Variants in ARHGAP26 observed in about 807,000 individuals in gnomAD.
ARHGAP26 encodes the protein Rho GTPase activating protein 26.
Under a neutral mutation model 104.8 loss-of-function variants are expected in ARHGAP26, and 38 were observed. That is an observed-to-expected ratio of 0.36 (90% CI 0.28 to 0.48). ARHGAP26 has a LOEUF of 0.48. ARHGAP26 is among the 20% of genes least tolerant of loss of function. ARHGAP26 has a pLI of 0.99. For missense variants in ARHGAP26, 704 were observed against 947.9 expected, an observed-to-expected ratio of 0.74 and a Z score of 3.38; for synonymous variants, 341 against 340.0, an observed-to-expected ratio of 1.00 and a Z score of -0.03.
intron 1 of ARHGAP26, among the ~76,000 whole-genome samples, chr5:142,858,665 A>G (rs554829899): frequency 6.6e-6 from 1 of 152,310 alleles, no homozygotes; most frequent in African/African-American, 2.4e-5. Flanking sequence ...TTTATGAACA[A>G]AACAGTCACG....
chr5:143,148,537 C>T (rs1489718458), intron 20 of ARHGAP26, among the ~76,000 whole-genome samples: 1 of 152,182 alleles, frequency 6.6e-6, no homozygotes, highest in Non-Finnish European at 1.5e-5. Flanking sequence ...TTGTTGGCAG[C>T]TTTAAATCAT....
At chr5:142,780,722 C>T (rs11746282) in intron 1 of ARHGAP26, among the ~76,000 whole-genome samples, 6,260 of 152,194 alleles carry the variant, frequency 0.041, 254 homozygotes, top group African/African-American at 0.1. Flanking sequence ...TTGTGCGGTG[C>T]GTGTAACATT....
intron 20 of ARHGAP26, chr5:143,170,580 G>A (rs970985007): frequency 6.6e-6 from 1 of 152,246 alleles, no homozygotes; most frequent in Non-Finnish European, 1.5e-5. Context: ...TGGTGGTAAT[G>A]ACAATGATAA....
intron 17 of ARHGAP26, among the ~76,000 whole-genome samples, chr5:143,112,818 A>G (rs1337198283): frequency 6.6e-6 from 1 of 152,236 alleles, no homozygotes; most frequent in Admixed American, 6.5e-5. Flanking sequence ...GAATAATACT[A>G]TATTGTTTGT....
chr5:142,902,838 C>A (rs971306652), intron 7 of ARHGAP26, among the ~76,000 whole-genome samples: 38 of 152,154 alleles, frequency 2.5e-4, no homozygotes, highest in Non-Finnish European at 2.9e-5. Flanking sequence ...GCTCTGAAAT[C>A]GAGATTGACA....
chr5:143,131,617 A>C (rs1797362464), intron 18 of ARHGAP26, among the ~76,000 whole-genome samples: 1 of 152,186 alleles, frequency 6.6e-6, no homozygotes, highest in South Asian at 2.1e-4. Context: ...TTTGTAGTGA[A>C]GATTGCCTGG....
At chr5:143,053,149 CA>C (rs1785278883) in intron 14 of ARHGAP26, among the ~76,000 whole-genome samples, 1 of 152,152 alleles carries the variant, frequency 6.6e-6, no homozygotes, top group Non-Finnish European at 1.5e-5. Context: ...CCTCCTAGTG[CA>C]AGCCCAGCAA....
chr5:142,857,581 T>A (rs567261460), intron 1 of ARHGAP26, among the ~76,000 whole-genome samples: 18 of 152,266 alleles, frequency 1.2e-4, no homozygotes, highest in African/African-American at 4.3e-4. Flanking sequence ...CTCACTGTCC[T>A]AGGAGCACCT....
At position 143,131,375 on chromosome 5, in the gene ARHGAP26, G is replaced by A. The variant is rs79894856; in HGVS notation, c.1699-2592G>A. 3.8e-3 allele frequency among the ~76,000 whole-genome samples: 582 copies of A among 152,186 alleles called. 23 individuals are homozygous for A. In the East Asian group the frequency reaches 0.082, roughly 21 times the overall value. ...TTGCTCCCATTGTAATTGGGTAAGG[G>A]TCTCATTTTCAGTAACTCATTAGAA... On this transcript the variant is annotated intron_variant, in intron 18 of 22. Coordinates refer to ENST00000645722, the MANE Select transcript of ARHGAP26 (RefSeq NM_001135608.3).
At chr5:142,782,300 T>C (rs1467665504) in intron 1 of ARHGAP26, among the ~76,000 whole-genome samples, 1 of 152,144 alleles carries the variant, frequency 6.6e-6, no homozygotes, top group Non-Finnish European at 1.5e-5. Context: ...TGGAGGAAGA[T>C]GAGGGCTACA....
chr5:143,136,393 A>G (rs1039497878), intron 19 of ARHGAP26, among the ~76,000 whole-genome samples: 2 of 152,214 alleles, frequency 1.3e-5, no homozygotes, highest in Admixed American at 6.5e-5. Context: ...TCTAAATGTT[A>G]GGAAATGCTC....
intron 11 of ARHGAP26, among the ~76,000 whole-genome samples, chr5:142,957,789 A>G (rs1236999444): frequency 6.6e-6 from 1 of 152,260 alleles, no homozygotes; most frequent in Non-Finnish European, 1.5e-5. Flanking sequence ...ATGGCAAGGA[A>G]AACTTCTGCC....
intron 12 of ARHGAP26, among the ~76,000 whole-genome samples, chr5:143,022,374 A>G (rs757635417): frequency 6.6e-6 from 1 of 152,188 alleles, no homozygotes; most frequent in Admixed American, 6.5e-5. Flanking sequence ...CGCCTGGCCA[A>G]TCCCCTGATT....
intron 1 of ARHGAP26, among the ~76,000 whole-genome samples, chr5:142,827,812 C>T (rs1183228300): frequency 2.6e-5 from 4 of 152,184 alleles, no homozygotes; most frequent in African/African-American, 9.7e-5. Context: ...TGCACATACC[C>T]TTAGTGTTTC....
intron 1 of ARHGAP26, among the ~76,000 whole-genome samples, chr5:142,796,054 C>CTGTGTGTGTGTGTGTGTG (rs71890315): frequency 6.9e-6 from 1 of 144,048 alleles, no homozygotes; most frequent in Non-Finnish European, 1.5e-5. Context: ...AGGTGTTTTT[C>CTGTGTGTGTGTGTGTGTG]TGTGTGTGTG....
At chr5:142,896,860 T>A (rs1054622099) in intron 6 of ARHGAP26, among the ~76,000 whole-genome samples, 1 of 152,174 alleles carries the variant, frequency 6.6e-6, no homozygotes, top group Admixed American at 6.5e-5. Context: ...TTTATAAAGT[T>A]GTATGAGGAT....
chr5:142,848,567 G>A (rs1750908765), intron 1 of ARHGAP26, among the ~76,000 whole-genome samples: 1 of 152,180 alleles, frequency 6.6e-6, no homozygotes, highest in South Asian at 2.1e-4. Context: ...ATATGTGTTA[G>A]AGTAAGGCTG....
intron 1 of ARHGAP26, among the ~76,000 whole-genome samples, chr5:142,829,409 G>A (rs1327846614): frequency 6.6e-6 from 1 of 152,168 alleles, no homozygotes; most frequent in Non-Finnish European, 1.5e-5. Context: ...TTCCCCCTTA[G>A]TAGATCATGA....
intron 20 of ARHGAP26, among the ~76,000 whole-genome samples, chr5:143,160,075 T>G (rs1801015646): frequency 6.6e-6 from 1 of 151,540 alleles, no homozygotes; most frequent in South Asian, 2.1e-4. Context: ...TTTTTTTTTT[T>G]TTGAGACGGA....
Sources: allele counts gnomAD v4.1 joint callset (sites outside exome capture counted in the v4.1 genomes callset), GRCh38; gene constraint gnomAD v4.1.1; transcripts MANE v1.5; gene names NCBI Gene and HGNC (gene_info 2026-07-23, HGNC 2026-07-21).